Variants in LAMA2 observed in about 807,000 individuals in gnomAD.
LAMA2 encodes laminin subunit alpha 2, also known as laminin subunit alpha-2.
A neutral mutation model predicts 364.8 loss-of-function variants in LAMA2; 269 were observed. The observed-to-expected ratio is 0.74, with a 90% CI of 0.67 to 0.82. The LOEUF is 0.82. Ranked by LOEUF, LAMA2 falls within the 40% of genes least tolerant of loss-of-function variation. The pLI is 0.00. For missense variants in LAMA2, 3,807 were observed against 3,873.2 expected (o/e 0.98, Z 0.45); for synonymous variants, 1,379 against 1,370.6 (o/e 1.01, Z -0.14).
intron 1 of LAMA2, among the ~76,000 whole-genome samples, chr6:129,027,865 T>C (rs1323384037): frequency 6.6e-6 from 1 of 151,676 alleles, no homozygotes; most frequent in Non-Finnish European, 1.5e-5. Context: ...GTAGGGAAGG[T>C]GTATCAGAGT....
At chr6:129,024,769 A>AG (rs1785688378) in intron 1 of LAMA2, among the ~76,000 whole-genome samples, 1 of 152,084 alleles carries the variant, frequency 6.6e-6, no homozygotes, top group Non-Finnish European at 1.5e-5. Flanking sequence ...GATTAGGCAG[A>AG]AGTATGCTTA....
At chr6:129,399,885 A>G (rs1583660770) in intron 37 of LAMA2, among the ~76,000 whole-genome samples, 1 of 152,238 alleles carries the variant, frequency 6.6e-6, no homozygotes, top group East Asian at 1.9e-4. Flanking sequence ...TTCGTAGTCA[A>G]GGACCCAGGA....
chr6:129,494,589 T>C (rs1466397919), intron 58 of LAMA2, among the ~76,000 whole-genome samples: 4 of 152,232 alleles, frequency 2.6e-5, no homozygotes, highest in African/African-American at 9.6e-5. Context: ...CCCTATTGTT[T>C]TATTTACATT....
chr6:129,165,226 T>C (rs767570303), intron 8 of LAMA2, among the ~76,000 whole-genome samples: 13 of 152,160 alleles, frequency 8.5e-5, no homozygotes, highest in East Asian at 3.9e-4. Context: ...AAATAAATCT[T>C]GTATATACAG....
At chr6:128,953,935 T>G (rs889700791) in intron 1 of LAMA2, among the ~76,000 whole-genome samples, 3 of 152,172 alleles carry the variant, frequency 2.0e-5, no homozygotes, top group Non-Finnish European at 1.5e-5. Flanking sequence ...AAATGTTGAG[T>G]TCAAGCTAAT....
At chr6:129,411,272 C>T (rs1189441032) in intron 40 of LAMA2, among the ~76,000 whole-genome samples, 2 of 152,088 alleles carry the variant, frequency 1.3e-5, no homozygotes, top group South Asian at 2.1e-4. Context: ...TCTTGGGAAC[C>T]ATCATTCTAA....
At chr6:129,125,961 C>T (rs1038539050) in intron 4 of LAMA2, among the ~76,000 whole-genome samples, 5 of 151,968 alleles carry the variant, frequency 3.3e-5, no homozygotes, top group Non-Finnish European at 7.4e-5. Flanking sequence ...CATCAAAAAA[C>T]GCCAGGCAAA....
At chr6:129,433,769 A>G (rs1781710897) in intron 41 of LAMA2, among the ~76,000 whole-genome samples, 3 of 152,196 alleles carry the variant, frequency 2.0e-5, no homozygotes, top group Admixed American at 2.0e-4. Context: ...AGTAATTTAA[A>G]TAAAAAAGGA....
At chr6:129,267,296 C>T in intron 16 of LAMA2, 77 bp downstream of exon 16, 2 of 963,720 alleles carry the variant, frequency 2.1e-6, no homozygotes, top group South Asian at 1.3e-5. Flanking sequence ...TCAGCTACTA[C>T]CCTGGGGACC....
Position 128,883,325 on chromosome 6 carries a change from A to G in LAMA2, c.80A>G (p.Gln27Arg), listed in dbSNP as rs1775919678. The G allele has an allele frequency of 1.3e-6, 2 of 1,598,338 alleles. No homozygotes were observed. The highest frequency in any genetic ancestry group is 2.3e-5 in the South Asian group (2 of 88,356). ...GGCGTACAGGCGCAGCGGCCGCAGC[A>G]GCAGCGGCAGTCACAGGCACATCAG... ...LGGVQAQRPQ[Q>R]QRQSQAHQQR... The change falls in exon 1 of 65, where the codon CAG (glutamine) becomes CGG (arginine). Residue 27 changes from glutamine (Q) to arginine (R), a missense_variant. Physicochemically the swap from Gln to Arg is conservative, Grantham distance 43 (BLOSUM62 1). Transcript: ENST00000421865.
chr6:129,410,575 T>G (rs1780482005), intron 40 of LAMA2, among the ~76,000 whole-genome samples: 1 of 152,216 alleles, frequency 6.6e-6, no homozygotes, highest in Non-Finnish European at 1.5e-5. Context: ...TTATACTGGT[T>G]GTATTAGGGT....
intron 3 of LAMA2, among the ~76,000 whole-genome samples, chr6:129,093,956 C>A (rs770647648): frequency 1.1e-4 from 16 of 152,070 alleles, no homozygotes; most frequent in Admixed American, 1.0e-3. Context: ...CTGCTGCACA[C>A]CAGAACAGAC....
rs1053474861 is a variant in LAMA2 at position 129,316,235 on chromosome 6, A to G, written c.4058+64A>G. 96 of 1,271,870 alleles carry G rather than the reference A, an allele frequency of 7.5e-5. No individual in the cohort carries two copies. The Middle Eastern group carries it at 1.3e-3, about 17-fold the overall frequency. 78.8% of individuals were successfully genotyped at this position (1,271,870 alleles called of 1,614,324 possible). On this transcript the variant is annotated intron_variant, in intron 27 of 64. Transcript: ENST00000421865. ...AGTCTGTAAGGAAGGTTATTGACCTACAGATATCAGATAAGAAAGATTGGA... is the reference window on the plus strand; with the variant it reads ...AGTCTGTAAGGAAGGTTATTGACCTGCAGATATCAGATAAGAAAGATTGGA...
chr6:129,312,154 A>G (rs1466685637), intron 22 of LAMA2, among the ~76,000 whole-genome samples: 4 of 32,650 alleles, frequency 1.2e-4, no homozygotes, highest in East Asian at 1.4e-3. Flanking sequence ...AGTTGATGGA[A>G]AAAAAAAAAA....
intron 1 of LAMA2, among the ~76,000 whole-genome samples, chr6:128,955,456 A>G (rs1781081275): frequency 3.3e-5 from 5 of 152,020 alleles, no homozygotes; most frequent in Admixed American, 3.3e-4. Context: ...TGAATTATAC[A>G]GAGATGAAAA....
At chr6:129,189,490 A>T (rs1299601796) in intron 10 of LAMA2, among the ~76,000 whole-genome samples, 1 of 152,058 alleles carries the variant, frequency 6.6e-6, no homozygotes, top group Non-Finnish European at 1.5e-5. Context: ...ATTTTTCAGT[A>T]TACTGAGAGT....
intron 1 of LAMA2, among the ~76,000 whole-genome samples, chr6:128,963,004 T>G (rs749125793): frequency 6.6e-6 from 1 of 152,122 alleles, no homozygotes; most frequent in Non-Finnish European, 1.5e-5. Flanking sequence ...TTTTAGTACC[T>G]CTGTTGTCTT....
intron 1 of LAMA2, among the ~76,000 whole-genome samples, chr6:128,910,991 C>T (rs565335741): frequency 4.6e-5 from 7 of 151,054 alleles, no homozygotes; most frequent in East Asian, 1.9e-4. Context: ...GCAGTCTGCC[C>T]GTTCTTAGAT....
chr6:129,022,414 C>A (rs1785501573), intron 1 of LAMA2, among the ~76,000 whole-genome samples: 1 of 152,158 alleles, frequency 6.6e-6, no homozygotes, highest in African/African-American at 2.4e-5. Flanking sequence ...ATTGTGTATT[C>A]ATCACCACAC....
Sources: gnomAD v4.1 joint callset for allele counts (sites outside exome capture counted in the v4.1 genomes callset) on GRCh38, gnomAD v4.1.1 for gene constraint, MANE v1.5 for transcripts, NCBI Gene and HGNC (gene_info 2026-07-23, HGNC 2026-07-21) for gene names.